The following FBXL20 variants were observed in gnomAD, a reference collection of about 807,000 sequenced individuals.
FBXL20 encodes F-box/LRR-repeat protein 20.
In FBXL20, 11 loss-of-function variants were observed where a neutral mutation model predicts 64.0. The observed-to-expected ratio is 0.17, with a 90% CI of 0.11 to 0.28. FBXL20 has a LOEUF of 0.28. Ranked by LOEUF, FBXL20 falls within the 10% of genes least tolerant of loss-of-function variation. The pLI is 1.00. For synonymous variants in FBXL20, 184 were observed against 189.0 expected, an observed-to-expected ratio of 0.97 and a Z score of 0.22; for missense variants, 303 against 526.2, an observed-to-expected ratio of 0.58 and a Z score of 4.15.
chr17:39,397,239 T>G (rs545480878), intron 1 of FBXL20, among the ~76,000 whole-genome samples: 1 of 152,158 alleles, frequency 6.6e-6, no homozygotes, highest in Non-Finnish European at 1.5e-5. Context: ...ATGAAGCAAG[T>G]AGGCAAACAA....
chr17:39,380,711 G>C (rs917922401), intron 1 of FBXL20, among the ~76,000 whole-genome samples: 1 of 152,014 alleles, frequency 6.6e-6, no homozygotes, highest in Non-Finnish European at 1.5e-5. Context: ...AACTCCATTA[G>C]AGCAGGACTT....
At chr17:39,384,315 TAA>T (rs2048056065) in intron 1 of FBXL20, among the ~76,000 whole-genome samples, 1 of 151,808 alleles carries the variant, frequency 6.6e-6, no homozygotes, top group South Asian at 2.1e-4. Flanking sequence ...ATCAGAAGGC[TAA>T]GAGTTCAAAA....
intron 2 of FBXL20, among the ~76,000 whole-genome samples, chr17:39,306,002 CA>C (rs201074755): frequency 6.7e-6 from 1 of 148,890 alleles, no homozygotes; most frequent in East Asian, 2.0e-4. Flanking sequence ...AACAAACAAA[CA>C]AAAAAAAACA....
intron 2 of FBXL20, 84 bp downstream of exon 2, chr17:39,343,096 A>C: frequency 1.0e-6 from 1 of 982,994 alleles, no homozygotes; most frequent in Non-Finnish European, 1.5e-6. Flanking sequence ...ACATATATGA[A>C]AATTAGCAAA....
At position 39,300,997 on chromosome 17, in the gene FBXL20, A is replaced by G. The variant is rs555868570; in HGVS notation, c.234+4T>C. ...AACTGGGGCCACACACCACATAATTATACCTCAATATCCCTCTGGAAATCA... is the reference window on the plus strand; with the variant it reads ...AACTGGGGCCACACACCACATAATTGTACCTCAATATCCCTCTGGAAATCA... On this transcript the variant is annotated splice_donor_region_variant and intron_variant, in intron 4 of 14. Coordinates refer to ENST00000264658, the MANE Select transcript of FBXL20 (RefSeq NM_032875.3). The G allele has an allele frequency of 1.2e-6, 2 of 1,613,762 alleles. No individual in the cohort carries two copies. Among genetic ancestry groups the G allele is most frequent in the East Asian group, 2.2e-5 (1 of 44,856 alleles).
At chr17:39,312,044 C>T (rs1276811903) in intron 2 of FBXL20, among the ~76,000 whole-genome samples, 2 of 152,118 alleles carry the variant, frequency 1.3e-5, no homozygotes, top group Admixed American at 1.3e-4. Context: ...GTTAGCTTTT[C>T]ACTTGGATTT....
chr17:39,367,451 G>A (rs539497737), intron 1 of FBXL20, among the ~76,000 whole-genome samples: 2 of 151,142 alleles, frequency 1.3e-5, no homozygotes, highest in Admixed American at 6.6e-5. Context: ...CAAGTAGCTG[G>A]GATTACAGGC....
Position 39,285,557 on chromosome 17 carries a change from T to C in FBXL20, c.415A>G (p.Ser139Gly), listed in dbSNP as rs781632244. The C allele has an allele frequency of 1.2e-6, 2 of 1,604,034 alleles. No individual in the cohort carries two copies. The highest frequency in any genetic ancestry group is 2.3e-5 in the South Asian group (2 of 88,578). Residue 139 changes from serine (S) to glycine (G), a missense_variant, in exon 7 of 15, where the codon AGC becomes GGC. Around this residue, in one of 3 missense-constraint regions of FBXL20, gnomAD observed 246 missense variants for 422.6 expected, o/e 0.58. Transcript: ENST00000264658. ...TGCCTGAGTTTGGAACAGAACTTGC[T>C]AAGGCTAGTACATGTACTGAAAAAT... ...KTTDATCTSL[S>G]KFCSKLRHLD...
At chr17:39,333,627 C>A (rs1208201891) in intron 2 of FBXL20, among the ~76,000 whole-genome samples, 1 of 151,598 alleles carries the variant, frequency 6.6e-6, no homozygotes, top group African/African-American at 2.4e-5. Context: ...TGTGAGGAGA[C>A]CCTCTGCCCG....
At chr17:39,380,392 A>G (rs1385495486) in intron 1 of FBXL20, among the ~76,000 whole-genome samples, 1 of 152,160 alleles carries the variant, frequency 6.6e-6, no homozygotes, top group Non-Finnish European at 1.5e-5. Context: ...CAACTTCACT[A>G]TGATCTGACT....
chr17:39,347,710 C>T (rs1408313892), intron 1 of FBXL20, among the ~76,000 whole-genome samples: 2 of 152,146 alleles, frequency 1.3e-5, no homozygotes, highest in Non-Finnish European at 2.9e-5. Context: ...TGCCATTGGT[C>T]AATTTTGGCT....
intron 2 of FBXL20, among the ~76,000 whole-genome samples, chr17:39,330,363 CA>C (rs1481663258): frequency 5.5e-4 from 83 of 152,016 alleles, no homozygotes; most frequent in African/African-American, 2.0e-3. Flanking sequence ...CCTGTAATCC[CA>C]GCACTTTGGG....
At chr17:39,351,377 A>G (rs1022519416) in intron 1 of FBXL20, among the ~76,000 whole-genome samples, 9 of 151,984 alleles carry the variant, frequency 5.9e-5, no homozygotes, top group African/African-American at 2.2e-4. Flanking sequence ...AGTAGACACA[A>G]TAACACTAGA....
chr17:39,355,583 C>T (rs533854770), intron 1 of FBXL20, among the ~76,000 whole-genome samples: 10 of 150,976 alleles, frequency 6.6e-5, no homozygotes, highest in Admixed American at 2.0e-4. Flanking sequence ...GGGCCGGGCG[C>T]GGTGGCTCAC....
chr17:39,396,361 T>G (rs1056137491), intron 1 of FBXL20, among the ~76,000 whole-genome samples: 1 of 151,882 alleles, frequency 6.6e-6, no homozygotes, highest in Non-Finnish European at 1.5e-5. Context: ...TTCGGGAGGC[T>G]GAGATGGGTG....
intron 1 of FBXL20, among the ~76,000 whole-genome samples, chr17:39,398,040 C>G (rs1364772771): frequency 3.0e-4 from 17 of 56,706 alleles, no homozygotes; most frequent in South Asian, 1.4e-3. Flanking sequence ...GGCCGGCGGG[C>G]GGGGGGGGGG....
chr17:39,337,962 G>A (rs896595321), intron 2 of FBXL20, among the ~76,000 whole-genome samples: 5 of 151,186 alleles, frequency 3.3e-5, no homozygotes, highest in African/African-American at 1.2e-4. Flanking sequence ...GGGAGGTGAG[G>A]GGCGCCTCTG....
At chr17:39,315,981 G>C (rs560377799) in intron 2 of FBXL20, among the ~76,000 whole-genome samples, 1 of 152,210 alleles carries the variant, frequency 6.6e-6, no homozygotes, top group Admixed American at 6.5e-5. Context: ...CCAGCTTTTG[G>C]AAAGGCCAAG....
chr17:39,277,735 C>A (rs941579694), intron 9 of FBXL20, among the ~76,000 whole-genome samples: 17 of 78,168 alleles, frequency 2.2e-4, no homozygotes, highest in Admixed American at 2.0e-3. Context: ...GCTTGGGCAA[C>A]AAGAGCAAAA....
Sources: gnomAD v4.1 joint callset for allele counts (sites outside exome capture counted in the v4.1 genomes callset) on GRCh38, gnomAD v4.1.1 for gene constraint, gnomAD v4.1.1 regional missense constraint, MANE v1.5 for transcripts, NCBI Gene and HGNC (gene_info 2026-07-23, HGNC 2026-07-21) for gene names.